KLHL13: variants seen among roughly 807,000 people sequenced by gnomAD.
KLHL13 encodes the protein kelch like family member 13.
In KLHL13, 10 loss-of-function variants were observed where a neutral mutation model predicts 37.1. That is an observed-to-expected ratio of 0.27 (90% CI 0.17 to 0.46). KLHL13 has a LOEUF of 0.46. Among genes scored for constraint, KLHL13 ranks in the 20% least tolerant of loss-of-function variants. The pLI is 1.00. For synonymous variants in KLHL13, 163 were observed against 181.2 expected (o/e 0.90, Z 0.81); for missense variants, 360 against 509.3 (o/e 0.71, Z 2.82).
chrX:118,019,327 T>G (rs1414368407), intron 1 of KLHL13, among the ~76,000 whole-genome samples: 1 of 111,398 alleles, frequency 9.0e-6, no homozygotes, highest in Non-Finnish European at 1.9e-5. Flanking sequence ...TCGCCCACTT[T>G]TTGATGGGGT....
intron 1 of KLHL13, among the ~76,000 whole-genome samples, chrX:117,979,383 C>G (rs1006619461): frequency 8.9e-6 from 1 of 111,876 alleles, no homozygotes; most frequent in Non-Finnish European, 1.9e-5. Flanking sequence ...AGAGGCCATG[C>G]TATTACCACA....
intron 2 of KLHL13, among the ~76,000 whole-genome samples, chrX:117,940,986 TAG>T (rs1932994205): frequency 1.8e-5 from 2 of 112,038 alleles, no homozygotes; most frequent in Non-Finnish European, 3.8e-5. Flanking sequence ...CTATGATGAA[TAG>T]GAGTGGTGAG....
chrX:117,909,832 T>C (rs766788476), exon 5 of KLHL13: 59 of 1,210,821 alleles, frequency 4.9e-5, no homozygotes, highest in Non-Finnish European at 5.7e-5. Context: ...ATGTTCTTCA[T>C]TAATTTTGCA....
chrX:118,019,305 T>C lies in KLHL13; in HGVS notation c.-55-73730A>G, dbSNP rs751505638. Among the ~76,000 whole-genome samples the C allele has an allele frequency of 4.5e-5, 5 of 111,755 alleles. No individual in the cohort carries two copies. In the South Asian group the frequency reaches 1.8e-3, roughly 41 times the overall value. ...TAAATGTCTTCTTTTGAGAAGTGTC[T>C]GTTCATATCCTTCGCCCACTTTTTG... is the stretch of plus-strand genomic sequence containing the variant. On this transcript the variant is annotated intron_variant, in intron 1 of 6. Coordinates refer to the KLHL13 transcript ENST00000371882.
At chrX:118,096,697 G>A (rs1417746181) in intron 1 of KLHL13, among the ~76,000 whole-genome samples, 5 of 111,375 alleles carry the variant, frequency 4.5e-5, no homozygotes, top group Admixed American at 9.6e-5. Context: ...CTGGCAAACC[G>A]AATCCAGCAA....
At chrX:118,069,059 C>A (rs1167864015) in intron 1 of KLHL13, among the ~76,000 whole-genome samples, 1 of 107,918 alleles carries the variant, frequency 9.3e-6, no homozygotes, top group South Asian at 4.1e-4. Flanking sequence ...GAGCAAACAG[C>A]GCTTTGGTGG....
intron 1 of KLHL13, among the ~76,000 whole-genome samples, chrX:118,031,984 C>T (rs6645433): frequency 4.6e-5 from 5 of 109,885 alleles, no homozygotes; most frequent in Non-Finnish European, 9.5e-5. Context: ...GGTGACAGAC[C>T]GCACCTAGAA....
At chrX:117,913,162 A>C (rs377359475) in intron 4 of KLHL13, among the ~76,000 whole-genome samples, 9 of 111,437 alleles carry the variant, frequency 8.1e-5, no homozygotes, top group African/African-American at 2.9e-4. Context: ...AGAGAAATAC[A>C]TAATATTCTA....
chrX:118,083,949 CAAAG>C (rs1312398605), intron 1 of KLHL13, among the ~76,000 whole-genome samples: 1 of 110,795 alleles, frequency 9.0e-6, no homozygotes, highest in Non-Finnish European at 1.9e-5. Flanking sequence ...TTATAAAAAT[CAAAG>C]AAAGTACAAA....
chrX:118,063,853 C>T (rs2054768183), intron 1 of KLHL13, among the ~76,000 whole-genome samples: 1 of 111,760 alleles, frequency 8.9e-6, no homozygotes, highest in African/African-American at 3.2e-5. Context: ...AGACTACTTA[C>T]AAAGAGAGCA....
At chrX:118,026,226 T>C (rs1244165378) in intron 1 of KLHL13, among the ~76,000 whole-genome samples, 1 of 111,978 alleles carries the variant, frequency 8.9e-6, no homozygotes, top group Non-Finnish European at 1.9e-5. Flanking sequence ...TACCTCGGAA[T>C]TGAAAAACAC....
Position 118,039,705 on chromosome X carries a change from C to T in KLHL13, c.-56+76803G>A, listed in dbSNP as rs2054487721. ...GACACAAGCCTGGCTGGATTCACCA[C>T]ATGCTGATTGTAGAGCACTTGGGCC... On this transcript the variant is annotated intron_variant, in intron 1 of 6. Coordinates refer to the KLHL13 transcript ENST00000371882. Among the ~76,000 whole-genome samples, 3 of 111,656 alleles carry T rather than the reference C, an allele frequency of 2.7e-5. No homozygotes were observed. In the Admixed American group the frequency reaches 2.9e-4, roughly 11 times the overall value.
intron 1 of KLHL13, among the ~76,000 whole-genome samples, chrX:118,037,709 C>A: frequency 9.0e-6 from 1 of 111,138 alleles, no homozygotes; most frequent in Middle Eastern, 4.6e-3. Flanking sequence ...CTAACCTGCA[C>A]ATTGTGCACA....
chrX:118,048,904 G>C (rs186064996), intron 1 of KLHL13, among the ~76,000 whole-genome samples: 71 of 111,863 alleles, frequency 6.3e-4, no homozygotes, highest in African/African-American at 2.3e-3. Context: ...TGACAAAACT[G>C]CTTATGATAG....
chrX:118,088,792 T>A (rs2055083277), intron 1 of KLHL13, among the ~76,000 whole-genome samples: 1 of 111,513 alleles, frequency 9.0e-6, no homozygotes, highest in Non-Finnish European at 1.9e-5. Flanking sequence ...TCCTACAAAA[T>A]ATGGCTAACA....
At position 117,973,347 on chromosome X, in the gene KLHL13, C is replaced by T. The variant is rs900153195; in HGVS notation, c.-519G>A. On this transcript the variant is annotated 5_prime_UTR_variant, in exon 1 of 7. Transcript: ENST00000262820. The stretch of plus-strand genomic sequence containing the variant: ...CACTTGTCATCCTCTGAACAATCTT[C>T]TTTTGAGCTGCAACAATACAAATGG... The T allele has an allele frequency of 3.1e-6, 3 of 970,647 alleles. No individual in the cohort carries two copies. In the African/African-American group the frequency reaches 6.0e-5, roughly 19 times the overall value. 80.0% of individuals were successfully genotyped at this position (970,647 alleles called of 1,213,427 possible). A position where few individuals can be genotyped will look rare whatever the true frequency, so the allele number is the denominator to read the frequency against.
rs1933230945 is a variant in KLHL13 at position 117,944,660 on chromosome X, T to TA, written c.240+773dup. 2.7e-5 allele frequency among the ~76,000 whole-genome samples: 3 copies of TA among 111,466 alleles called. No homozygotes were observed. In the South Asian group the frequency reaches 1.1e-3, roughly 42 times the overall value. On this transcript the variant is annotated intron_variant, in intron 2 of 6. Transcript: ENST00000262820. ...ATTTTCCTTATCTTATTAAGGGTAG[T>TA]AAGAGGACCAATATAATTTAACTAT...
intron 1 of KLHL13, among the ~76,000 whole-genome samples, chrX:118,093,099 G>T (rs960186380): frequency 4.5e-5 from 5 of 111,047 alleles, no homozygotes; most frequent in Non-Finnish European, 9.4e-5. Context: ...ATAATAATGA[G>T]TAATTTGCCT....
chrX:118,059,213 G>C (rs1008582215), intron 1 of KLHL13, among the ~76,000 whole-genome samples: 4 of 111,843 alleles, frequency 3.6e-5, no homozygotes, highest in African/African-American at 9.7e-5. Flanking sequence ...TGACAGCCAT[G>C]AGTCAGCAGG....
Sources: gnomAD v4.1 joint callset for allele counts (sites outside exome capture counted in the v4.1 genomes callset) on GRCh38, gnomAD v4.1.1 for gene constraint, MANE v1.5 for transcripts, NCBI Gene and HGNC (gene_info 2026-07-23, HGNC 2026-07-21) for gene names.